Variants in GHR observed in about 807,000 individuals in gnomAD.
The protein encoded by GHR is growth hormone receptor.
In GHR, 35 loss-of-function variants were observed where a neutral mutation model predicts 67.1. The ratio of observed to expected loss-of-function variants is 0.52; its 90% confidence interval spans 0.40 to 0.69. GHR has a LOEUF of 0.69. Among genes scored for constraint, GHR ranks in the 30% least tolerant of loss-of-function variants. The pLI is 0.00. For synonymous variants in GHR, 272 were observed against 269.1 expected (o/e 1.01, Z -0.10); for missense variants, 792 against 764.6 (o/e 1.04, Z -0.42).
intron 1 of GHR, among the ~76,000 whole-genome samples, chr5:42,470,128 T>A (rs1348291707): frequency 7.3e-6 from 1 of 136,582 alleles, no homozygotes; most frequent in African/African-American, 2.8e-5. Flanking sequence ...TATTAATATA[T>A]GTTATTACAT....
At chr5:42,668,817 C>G (rs937938901) in intron 3 of GHR, among the ~76,000 whole-genome samples, 1 of 151,954 alleles carries the variant, frequency 6.6e-6, no homozygotes, top group East Asian at 1.9e-4. Context: ...TCCCAATAAG[C>G]CTGTTGTAAA....
rs551918700 is a variant in GHR at position 42,616,177 on chromosome 5, G to C, written c.71-12861G>C. Among the ~76,000 whole-genome samples the C allele has an allele frequency of 3.2e-4, 49 of 152,088 alleles. 1 individual carries two copies. The highest frequency in any genetic ancestry group is 1.2e-3 in the African/African-American group (48 of 41,516). On this transcript the variant is annotated intron_variant, in intron 2 of 9. Coordinates refer to ENST00000230882, the MANE Select transcript of GHR (RefSeq NM_000163.5). ...AGTGAGGTAGCATGATCTTACTTAT[G>C]CCTTAAAAAGGTTAATTGTTTTGGT...
rs533508815 is a variant in GHR, at chr5:42,679,909, T to C, written c.137-8981T>C. Among the ~76,000 whole-genome samples the C allele has an allele frequency of 7.2e-5, 11 of 152,212 alleles. No individual in the cohort carries two copies. In the South Asian group the frequency reaches 2.3e-3, roughly 32 times the overall value. ...AGAAGGGGACTTGGAAAAATAATGA[T>C]GTTGAATGCAGTAACTTCTTTCACT... is the stretch of plus-strand genomic sequence containing the variant. On this transcript the variant is annotated intron_variant, in intron 3 of 9. Coordinates refer to ENST00000230882, the MANE Select transcript of GHR (RefSeq NM_000163.5).
chr5:42,694,065 C>T (rs1757552601), intron 4 of GHR, among the ~76,000 whole-genome samples: 1 of 152,122 alleles, frequency 6.6e-6, no homozygotes, highest in African/African-American at 2.4e-5. Context: ...TAAACTTTTA[C>T]CCATCCTTCA....
chr5:42,647,871 C>T, intron 3 of GHR: 1 of 249,458 alleles, frequency 4.0e-6, no homozygotes, highest in South Asian at 4.1e-5. Flanking sequence ...ACACACTGGT[C>T]CAGTGGTTCT....
At chr5:42,679,560 G>A (rs1318920760) in intron 3 of GHR, among the ~76,000 whole-genome samples, 1 of 151,980 alleles carries the variant, frequency 6.6e-6, no homozygotes, top group African/African-American at 2.4e-5. Flanking sequence ...AGGAGGTGGA[G>A]GTTGCAGTGA....
At chr5:42,604,379 G>A (rs1469259502) in intron 2 of GHR, among the ~76,000 whole-genome samples, 1 of 152,170 alleles carries the variant, frequency 6.6e-6, no homozygotes, top group Non-Finnish European at 1.5e-5. Context: ...ATTCTTCCTG[G>A]TCTCTCTCTG....
chr5:42,679,487 C>T (rs1464752960), intron 3 of GHR, among the ~76,000 whole-genome samples: 7 of 151,616 alleles, frequency 4.6e-5, no homozygotes, highest in African/African-American at 1.5e-4. Flanking sequence ...TAGCTGGGCA[C>T]GGTGGCACGC....
chr5:42,502,473 G>A (rs1426079571), intron 1 of GHR, among the ~76,000 whole-genome samples: 1 of 152,144 alleles, frequency 6.6e-6, no homozygotes, highest in Non-Finnish European at 1.5e-5. Flanking sequence ...AGTCAATTGT[G>A]ACTGGTAAAT....
chr5:42,658,797 G>A (rs745339594), intron 3 of GHR, among the ~76,000 whole-genome samples: 11 of 152,062 alleles, frequency 7.2e-5, no homozygotes, highest in Non-Finnish European at 1.2e-4. Flanking sequence ...AGCAACAAAT[G>A]ATCTGATCCA....
chr5:42,514,695 G>A (rs993722915), intron 1 of GHR, among the ~76,000 whole-genome samples: 2 of 152,146 alleles, frequency 1.3e-5, no homozygotes, highest in Admixed American at 6.5e-5. Context: ...ATTAGTGGGG[G>A]TCTGTAGTCA....
chr5:42,596,306 GA>G (rs796923762), intron 2 of GHR, among the ~76,000 whole-genome samples: 430 of 143,342 alleles, frequency 3.0e-3, no homozygotes, highest in African/African-American at 5.9e-3. Flanking sequence ...AAAGGAGATG[GA>G]AAAAAAAAAA....
chr5:42,579,084 TAGATAGATAGATAGATA>T (rs1396258633), intron 2 of GHR, among the ~76,000 whole-genome samples: 1 of 78,412 alleles, frequency 1.3e-5, no homozygotes, highest in Non-Finnish European at 2.8e-5. Flanking sequence ...TATAGATAGA[TAGATAGATAGATAGATA>T]GATAGATAGA....
In GHR at chr5:42,660,625, A is replaced by G. The variant is rs546301462; in HGVS notation, c.137-28265A>G. Among the ~76,000 whole-genome samples the G allele has an allele frequency of 1.0e-3, 154 of 152,266 alleles. 1 individual carries two copies. Among genetic ancestry groups the G allele is most frequent in the African/African-American group, 3.7e-3 (152 of 41,568 alleles). ...AACCCATCTGTACATCACCATCATC[A>G]AAGACCAAAAGTAGATAAAACCACA... is the stretch of plus-strand genomic sequence containing the variant. On this transcript the variant is annotated intron_variant, in intron 3 of 9. Coordinates refer to ENST00000230882, the MANE Select transcript of GHR (RefSeq NM_000163.5).
At chr5:42,554,368 T>C (rs185298607) in intron 1 of GHR, among the ~76,000 whole-genome samples, 7 of 152,264 alleles carry the variant, frequency 4.6e-5, no homozygotes, top group Admixed American at 3.9e-4. Context: ...GATGCTTTAA[T>C]TGTATGTAGA....
chr5:42,672,625 C>A (rs1452181063), intron 3 of GHR, among the ~76,000 whole-genome samples: 2 of 151,950 alleles, frequency 1.3e-5, no homozygotes, highest in African/African-American at 4.8e-5. Context: ...AAACTGGACC[C>A]CTACCTTTCA....
intron 1 of GHR, among the ~76,000 whole-genome samples, chr5:42,545,967 C>T (rs1748715742): frequency 1.3e-5 from 2 of 152,122 alleles, no homozygotes; most frequent in Non-Finnish European, 2.9e-5. Context: ...CCAAATAAAA[C>T]TATTCGTAAG....
chr5:42,466,302 G>A (rs1298234170), intron 1 of GHR, among the ~76,000 whole-genome samples: 3 of 152,144 alleles, frequency 2.0e-5, no homozygotes, highest in African/African-American at 4.8e-5. Flanking sequence ...AGACAGTAAG[G>A]AAAAAGGCCA....
At chr5:42,546,971 G>T (rs997346784) in intron 1 of GHR, among the ~76,000 whole-genome samples, 1 of 152,172 alleles carries the variant, frequency 6.6e-6, no homozygotes, top group African/African-American at 2.4e-5. Context: ...AAATTCTGGG[G>T]ATCAGGTGTT....
Sources: allele counts gnomAD v4.1 joint callset (sites outside exome capture counted in the v4.1 genomes callset), GRCh38; gene constraint gnomAD v4.1.1; transcripts MANE v1.5; gene names NCBI Gene and HGNC (gene_info 2026-07-23, HGNC 2026-07-21).